Variants in CHD1L observed in about 807,000 individuals in gnomAD.
The protein encoded by CHD1L is chromodomain helicase DNA binding protein 1 like.
In CHD1L, 118 loss-of-function variants were observed where a neutral mutation model predicts 115.9. That is an observed-to-expected ratio of 1.02 (90% confidence interval 0.88 to 1.19). The LOEUF is 1.19. Among genes scored for constraint, CHD1L ranks in the 50% most tolerant of loss-of-function variants. The pLI is 0.00. For synonymous variants in CHD1L, 411 were observed against 387.1 expected (o/e 1.06, Z -0.72); for missense variants, 1,179 against 1,065.3 (o/e 1.11, Z -1.49).
chr1:147,264,445 G>A lies in CHD1L; in HGVS notation c.600G>A (p.Leu200=), dbSNP rs782037134. 5.6e-6 allele frequency: 9 copies of A among 1,612,062 alleles called. No individual in the cohort carries two copies. The highest frequency in any genetic ancestry group is 6.8e-6 in the Non-Finnish European group (8 of 1,179,040). ...AGTTCTCAGTAGTCTTCAGTCTCCT[G>A]TTGACCGGAACTCCCATCCAGAACA... ...LSEFSVVFSL[L]LTGTPIQNSL... is the part of the protein sequence containing the mutation. The change falls in exon 7 of 23, where the codon CTG becomes CTA. Residue 200 remains leucine (L), a synonymous_variant. Transcript: ENST00000369258.
chr1:147,225,127 C>A, the CHD1L span: 44 of 1,586,438 alleles, frequency 2.8e-5, no homozygotes, highest in Admixed American at 1.7e-4. Flanking sequence ...CAAGGAAGAC[C>A]TTGGCCGTGG....
chr1:147,184,670 A>G, the CHD1L span: 4 of 1,463,970 alleles, frequency 2.7e-6, no homozygotes, highest in Non-Finnish European at 2.7e-6. This position sits in a 1 kb window ranked among gnomAD's most constrained non-coding sequence, Gnocchi z 4.4. Context: ...CAGAGAGGTA[A>G]AGTGGCCTTC....
the CHD1L span, chr1:147,190,360 T>C: frequency 1.5e-6 from 1 of 668,250 alleles, no homozygotes; most frequent in Non-Finnish European, 2.6e-6. Context: ...GTAAGTTTCC[T>C]GTACTCAAGG....
chr1:147,248,496 C>A (rs1251585460), intron 1 of CHD1L, among the ~76,000 whole-genome samples: 1 of 152,220 alleles, frequency 6.6e-6, no homozygotes, highest in East Asian at 1.9e-4. Flanking sequence ...GTGTGAGCCA[C>A]TGTGCCCAGC....
chr1:147,286,610 C>T (rs1553966182), intron 18 of CHD1L, 110 bp downstream of exon 18: 4 of 566,654 alleles, frequency 7.1e-6, no homozygotes, highest in African/African-American at 5.4e-5. Context: ...TAGTATTGTA[C>T]AGTCAAAAAA....
At chr1:147,275,796 AG>A (rs1240622454) in intron 13 of CHD1L, among the ~76,000 whole-genome samples, 2,858 of 143,234 alleles carry the variant, frequency 0.02, 83 homozygotes, top group African/African-American at 0.063. Context: ...AAAAAAAAAA[AG>A]AAAGATAGAT....
the CHD1L span, among the ~76,000 whole-genome samples, chr1:147,233,244 G>A: frequency 4.6e-5 from 7 of 151,810 alleles, no homozygotes; most frequent in Non-Finnish European, 8.8e-5. Flanking sequence ...TCTGAGAAGT[G>A]AGGAGCCCCT....
At chr1:147,244,210 T>C (rs1665862724) in intron 1 of CHD1L, among the ~76,000 whole-genome samples, 2 of 152,204 alleles carry the variant, frequency 1.3e-5, no homozygotes, top group South Asian at 4.1e-4. Flanking sequence ...GTGGATAATA[T>C]GCCAGGAGAA....
chr1:147,194,576 T>G, the CHD1L span, among the ~76,000 whole-genome samples: 2 of 152,164 alleles, frequency 1.3e-5, no homozygotes, highest in African/African-American at 4.8e-5. Context: ...ATTTTGCTTG[T>G]TAGTTGATGC....
intron 5 of CHD1L, among the ~76,000 whole-genome samples, chr1:147,257,473 A>G (rs1247302440): frequency 6.6e-6 from 1 of 152,086 alleles, no homozygotes; most frequent in Non-Finnish European, 1.5e-5. Context: ...ATTCAACTTA[A>G]TATTTGTTGA....
chr1:147,245,379 T>C (rs1412385760), intron 1 of CHD1L, among the ~76,000 whole-genome samples: 2 of 152,170 alleles, frequency 1.3e-5, no homozygotes, highest in Non-Finnish European at 2.9e-5. Context: ...TTATCATGGA[T>C]TGTGGCTGCG....
At chr1:147,212,569 G>A in the CHD1L span, 3 of 1,587,412 alleles carry the variant, frequency 1.9e-6, no homozygotes, top group Non-Finnish European at 1.7e-6. Context: ...ATTGGGTAAT[G>A]GTTTACATGA....
the CHD1L span, among the ~76,000 whole-genome samples, chr1:147,197,402 A>G: frequency 6.6e-6 from 1 of 152,040 alleles, no homozygotes; most frequent in East Asian, 1.9e-4. Flanking sequence ...GCGTCTGTTT[A>G]CTTGTCTGTC....
chr1:147,252,753 G>A lies in CHD1L; in HGVS notation c.240+18G>A, dbSNP rs3737845. On this transcript the variant is annotated intron_variant, in intron 2 of 22. Transcript: ENST00000369258. Reference sequence around the variant, plus strand: ...CCTGCCAGGTGTGTTACTATGCGACGAGTACTGCTCACCGCCACTGCGATA... The same window carrying A: ...CCTGCCAGGTGTGTTACTATGCGACAAGTACTGCTCACCGCCACTGCGATA... 0.096 allele frequency: 149,920 copies of A among 1,569,476 alleles called. 7,886 individuals are homozygous for A. The highest frequency in any genetic ancestry group is 0.2 in the East Asian group (8,828 of 44,620).
At chr1:147,270,518 TTTC>T (rs1445453875) in intron 10 of CHD1L, among the ~76,000 whole-genome samples, 4 of 2,536 alleles carry the variant, frequency 1.6e-3, no homozygotes, top group Non-Finnish European at 2.5e-3. Context: ...CAGTTTTTCT[TTTC>T]TTTTTTTTTG....
intron 17 of CHD1L, 55 bp from the exon 18 acceptor site, chr1:147,286,243 C>T (rs781917435): frequency 5.6e-5 from 87 of 1,556,776 alleles, no homozygotes; most frequent in Non-Finnish European, 7.4e-5. Flanking sequence ...AAATGTGCTC[C>T]AAGGGAAATT....
chr1:147,186,233 T>G, the CHD1L span: 4 of 742,612 alleles, frequency 5.4e-6, no homozygotes, highest in Non-Finnish European at 6.6e-6. Context: ...AGATGGTAGA[T>G]GATCTGAATG....
At chr1:147,192,356 G>A in the CHD1L span, among the ~76,000 whole-genome samples, 2 of 152,076 alleles carry the variant, frequency 1.3e-5, no homozygotes, top group South Asian at 2.1e-4. Flanking sequence ...TTTGTACATT[G>A]ATTTTGTATC....
At chr1:147,228,639 G>A in the CHD1L span, among the ~76,000 whole-genome samples, 1 of 152,084 alleles carries the variant, frequency 6.6e-6, no homozygotes, top group African/African-American at 2.4e-5. Flanking sequence ...GTGTAAAAGT[G>A]TTCCTATTTC....
Sources: gnomAD v4.1 joint callset for allele counts (sites outside exome capture counted in the v4.1 genomes callset) on GRCh38, gnomAD v4.1.1 for gene constraint, Gnocchi (gnomAD v3.1) non-coding constraint, MANE v1.5 for transcripts, NCBI Gene and HGNC (gene_info 2026-07-23, HGNC 2026-07-21) for gene names.